The following FNBP1 variants were observed in gnomAD, a reference collection of about 807,000 sequenced individuals.
FNBP1 encodes formin binding protein 1.
FNBP1 carries 26 observed loss-of-function variants against 90.6 expected under a neutral mutation model. The observed-to-expected ratio is 0.29, with a 90% CI of 0.21 to 0.40. The LOEUF is 0.40. Ranked by LOEUF, FNBP1 falls within the 10% of genes least tolerant of loss-of-function variation. The pLI is 1.00. For missense variants in FNBP1, 635 were observed against 768.0 expected (o/e 0.83, Z 2.05); for synonymous variants, 260 against 265.2 (o/e 0.98, Z 0.19).
At chr9:129,931,341 C>T (rs2042703712) in intron 6 of FNBP1, among the ~76,000 whole-genome samples, 1 of 151,978 alleles carries the variant, frequency 6.6e-6, no homozygotes, top group Non-Finnish European at 1.5e-5. Context: ...CGGTGGCTCA[C>T]GCCTGTAATC....
chr9:129,979,789 G>A (rs939970476), intron 2 of FNBP1, among the ~76,000 whole-genome samples: 3 of 151,924 alleles, frequency 2.0e-5, no homozygotes, highest in East Asian at 3.9e-4. Flanking sequence ...ACAGGTGCAC[G>A]CCACCACATC....
intron 1 of FNBP1, among the ~76,000 whole-genome samples, chr9:130,024,019 T>C (rs1478194114): frequency 3.3e-5 from 5 of 152,268 alleles, no homozygotes; most frequent in African/African-American, 7.2e-5. Context: ...AACCTTTAGG[T>C]TGGCTTACAT....
intron 1 of FNBP1, among the ~76,000 whole-genome samples, chr9:130,014,307 A>G (rs1035808645): frequency 9.5e-5 from 14 of 147,334 alleles, no homozygotes; most frequent in African/African-American, 3.3e-4. Flanking sequence ...GCTGGAGTGC[A>G]ATGGCGCAAT....
chr9:130,025,166 C>T (rs890151280), intron 1 of FNBP1, among the ~76,000 whole-genome samples: 61 of 150,862 alleles, frequency 4.0e-4, no homozygotes, highest in African/African-American at 8.0e-4. Context: ...GGTGACAGAA[C>T]GAGACTCTAT....
chr9:130,034,894 C>T (rs902250406), intron 1 of FNBP1, among the ~76,000 whole-genome samples: 1 of 152,188 alleles, frequency 6.6e-6, no homozygotes, highest in African/African-American at 2.4e-5. Flanking sequence ...TGCCTGTAAT[C>T]CCAGCTCTTT....
At chr9:129,975,620 G>A (rs1385679973) in intron 4 of FNBP1, among the ~76,000 whole-genome samples, 1 of 152,032 alleles carries the variant, frequency 6.6e-6, no homozygotes, top group African/African-American at 2.4e-5. Context: ...AAAGGAATAC[G>A]AGGGGGCACG....
At chr9:130,002,639 C>G (rs2055037041) in intron 1 of FNBP1, among the ~76,000 whole-genome samples, 1 of 152,162 alleles carries the variant, frequency 6.6e-6, no homozygotes, top group South Asian at 2.1e-4. Flanking sequence ...TGAACTTTTC[C>G]AGACATCAGA....
intron 2 of FNBP1, among the ~76,000 whole-genome samples, chr9:129,982,268 C>G (rs903581167): frequency 6.6e-6 from 1 of 152,060 alleles, no homozygotes; most frequent in African/African-American, 2.4e-5. Flanking sequence ...GTCAGGAGTT[C>G]GAGACCAGCC....
intron 1 of FNBP1, among the ~76,000 whole-genome samples, chr9:130,024,909 G>A (rs1355059351): frequency 6.6e-6 from 1 of 152,142 alleles, no homozygotes; most frequent in African/African-American, 2.4e-5. Context: ...CTGATGCCAG[G>A]CGGCTCACGC....
chr9:130,033,343 C>T (rs2058976276), intron 1 of FNBP1, among the ~76,000 whole-genome samples: 1 of 152,164 alleles, frequency 6.6e-6, no homozygotes, highest in Non-Finnish European at 1.5e-5. Context: ...AGCACTGCCT[C>T]ACTCAACTGG....
At chr9:130,002,604 C>G (rs188066437) in intron 1 of FNBP1, among the ~76,000 whole-genome samples, 94 of 152,306 alleles carry the variant, frequency 6.2e-4, no homozygotes, top group African/African-American at 2.2e-3. Flanking sequence ...ACCTGTGGCC[C>G]TTTCTGGATG....
intron 12 of FNBP1, among the ~76,000 whole-genome samples, chr9:129,905,121 C>T (rs1250968960): frequency 6.6e-6 from 1 of 151,800 alleles, no homozygotes; most frequent in Admixed American, 6.6e-5. Flanking sequence ...CCACACCTCC[C>T]ACTACCTCCC....
intron 12 of FNBP1, among the ~76,000 whole-genome samples, chr9:129,905,086 C>T (rs1165157691): frequency 1.3e-5 from 2 of 151,684 alleles, no homozygotes; most frequent in African/African-American, 4.8e-5. Context: ...TTTCCGAAAC[C>T]CGTCTCGTCT....
intron 12 of FNBP1, among the ~76,000 whole-genome samples, chr9:129,908,049 A>C (rs1223430380): frequency 6.6e-6 from 1 of 151,446 alleles, no homozygotes; most frequent in East Asian, 2.0e-4. Context: ...TTAAGCAAAC[A>C]GCTCACTGCA....
chr9:130,011,305 G>A (rs1167487111), intron 1 of FNBP1, among the ~76,000 whole-genome samples: 1 of 114,714 alleles, frequency 8.7e-6, no homozygotes, highest in Non-Finnish European at 1.8e-5. Context: ...ACAGCATGAA[G>A]AATTACAAGT....
intron 1 of FNBP1, among the ~76,000 whole-genome samples, chr9:130,025,167 G>A (rs1296504056): frequency 1.3e-5 from 2 of 151,056 alleles, no homozygotes; most frequent in East Asian, 1.9e-4. Flanking sequence ...GTGACAGAAC[G>A]AGACTCTATC....
chr9:129,977,349 A>G (rs1274592756), intron 4 of FNBP1, among the ~76,000 whole-genome samples: 1 of 152,152 alleles, frequency 6.6e-6, no homozygotes, highest in African/African-American at 2.4e-5. Flanking sequence ...AACAAAACCT[A>G]TTTATGAAAA....
At chr9:129,958,928 T>C (rs1057128304) in intron 4 of FNBP1, among the ~76,000 whole-genome samples, 19 of 122,198 alleles carry the variant, frequency 1.6e-4, no homozygotes, top group African/African-American at 4.7e-4. Context: ...CACTGCCACA[T>C]TGAGCTGTGA....
In FNBP1 at chr9:129,889,696, C is replaced by T; in HGVS notation, c.*843G>A. ...CTGGTGCAGAGGGGAGGGCCTCGCT[C>T]ACAAGCGCATGATCTACAGTTCTCA... On this transcript the variant is annotated 3_prime_UTR_variant, in exon 17 of 17. Transcript: ENST00000446176. 4.3e-6 allele frequency: 1 copy of T among 231,732 alleles called. No individual in the cohort carries two copies. The highest frequency in any genetic ancestry group is 1.3e-3 in the Middle Eastern group (1 of 778). The allele number at this position is 231,732 out of a possible 1,614,324, so 14.4% of individuals were successfully genotyped here.
Sources: allele counts gnomAD v4.1 joint callset (sites outside exome capture counted in the v4.1 genomes callset), GRCh38; gene constraint gnomAD v4.1.1; transcripts MANE v1.5; gene names NCBI Gene and HGNC (gene_info 2026-07-23, HGNC 2026-07-21).